Variants in TRMT44 observed in about 807,000 individuals in gnomAD.
TRMT44 encodes the protein tRNA methyltransferase 44 homolog, also known as probable tRNA (uracil-O(2)-)-methyltransferase.
In TRMT44, 78 loss-of-function variants were observed where a neutral mutation model predicts 77.3. The ratio of observed to expected loss-of-function variants is 1.01; its 90% CI spans 0.84 to 1.22. TRMT44 has a LOEUF of 1.22. TRMT44 is among the 50% of genes most tolerant of loss of function. The pLI, the probability that TRMT44 is intolerant of heterozygous loss-of-function variation, is 0.00. For missense variants in TRMT44, 1,090 were observed against 964.4 expected, an observed-to-expected ratio of 1.13 and a Z score of -1.73; for synonymous variants, 391 against 383.3, an observed-to-expected ratio of 1.02 and a Z score of -0.23.
At chr4:8,454,097 T>A (rs963432822) in intron 5 of TRMT44, among the ~76,000 whole-genome samples, 1 of 152,130 alleles carries the variant, frequency 6.6e-6, no homozygotes, top group Non-Finnish European at 1.5e-5. Flanking sequence ...GTTTGCCCTA[T>A]GAGAGCCAAT....
intron 2 of TRMT44, among the ~76,000 whole-genome samples, chr4:8,485,318 C>G (rs774080519): frequency 6.6e-6 from 1 of 152,020 alleles, no homozygotes; most frequent in Non-Finnish European, 1.5e-5. Flanking sequence ...AAAGAATGTA[C>G]GGGTTGGGCA....
chr4:8,454,415 C>A, intron 5 of TRMT44: 1 of 299,670 alleles, frequency 3.3e-6, no homozygotes, highest in Non-Finnish European at 6.3e-6. Flanking sequence ...ACAACCATTC[C>A]AAGCTCTTAG....
the TRMT44 span, among the ~76,000 whole-genome samples, chr4:8,516,515 C>T: frequency 2.0e-5 from 3 of 152,240 alleles, no homozygotes; most frequent in African/African-American, 7.2e-5. Context: ...TGCAGTGGCT[C>T]ATGCCTGTCA....
intron 2 of TRMT44, among the ~76,000 whole-genome samples, chr4:8,491,729 A>C (rs958701253): frequency 1.3e-5 from 2 of 152,098 alleles, no homozygotes; most frequent in Non-Finnish European, 2.9e-5. Flanking sequence ...ACCCACGCCC[A>C]CCCGGAACTC....
intron 10 of TRMT44, among the ~76,000 whole-genome samples, chr4:8,474,421 G>T (rs1057408523): frequency 2.6e-5 from 4 of 152,338 alleles, no homozygotes; most frequent in African/African-American, 7.2e-5. Context: ...AGAGGCAGCC[G>T]TGGGAGGGCA....
At position 8,444,104 on chromosome 4, in the gene TRMT44, C is replaced by T. The variant is rs115536990; in HGVS notation, c.620-2372C>T. On this transcript the variant is annotated intron_variant, in intron 1 of 10. Transcript: ENST00000389737. This position sits in a 1 kb window ranked among gnomAD's most constrained non-coding sequence, Gnocchi z 4.0. ...GTGGATTTGAGACAGATTACTTAAT[C>T]TGTTGAACGCCTGGTTTTCTCATCT... Among the ~76,000 whole-genome samples the T allele has an allele frequency of 9.2e-3, 1,405 of 152,278 alleles. 18 individuals are homozygous for T. The highest frequency in any genetic ancestry group is 0.032 in the African/African-American group (1,333 of 41,566).
intron 2 of TRMT44, among the ~76,000 whole-genome samples, chr4:8,481,659 A>G (rs1727617582): frequency 6.6e-6 from 1 of 152,172 alleles, no homozygotes; most frequent in Non-Finnish European, 1.5e-5. Flanking sequence ...TTTTCTCTTT[A>G]TGCTTTTTTA....
At chr4:8,472,872 G>A (rs1727113538) in intron 10 of TRMT44, among the ~76,000 whole-genome samples, 2 of 152,142 alleles carry the variant, frequency 1.3e-5, no homozygotes, top group South Asian at 2.1e-4. Context: ...CCACCTCCAC[G>A]GGGCCTCTTT....
chr4:8,489,516 A>G (rs1727927029), intron 2 of TRMT44, among the ~76,000 whole-genome samples: 1 of 152,036 alleles, frequency 6.6e-6, no homozygotes. Flanking sequence ...TCACTCTGTC[A>G]CCCAGGCTGG....
chr4:8,516,138 G>A, the TRMT44 span, among the ~76,000 whole-genome samples: 3 of 152,102 alleles, frequency 2.0e-5, no homozygotes, highest in South Asian at 4.2e-4. Flanking sequence ...AACTCAGTGC[G>A]GCGCCCTCTG....
chr4:8,487,227 A>G (rs1727838346), intron 2 of TRMT44, among the ~76,000 whole-genome samples: 2 of 152,172 alleles, frequency 1.3e-5, no homozygotes. Context: ...AAAATAAGGC[A>G]TTTAGGTTTT....
chr4:8,491,268 A>T (rs1378968297), intron 2 of TRMT44, among the ~76,000 whole-genome samples: 1 of 152,206 alleles, frequency 6.6e-6, no homozygotes, highest in African/African-American at 2.4e-5. Context: ...CAGGGTGCTG[A>T]TTGGTGTGTT....
At chr4:8,449,327 T>C (rs980398507) in intron 2 of TRMT44, among the ~76,000 whole-genome samples, 10 of 152,178 alleles carry the variant, frequency 6.6e-5, no homozygotes, top group Admixed American at 5.9e-4. Context: ...CCTGTGAAAA[T>C]GGTAAAGAAT....
chr4:8,451,959 G>T lies in TRMT44; in HGVS notation c.955-1G>T, dbSNP rs1049080313. Reference sequence around the variant, plus strand: ...TATGTTTGCTCTTGAAACTGTTTTAGGTGTGGCCTGAAGTCACTGATCCTG... The same window carrying T: ...TATGTTTGCTCTTGAAACTGTTTTATGTGTGGCCTGAAGTCACTGATCCTG... On this transcript the variant is annotated splice_acceptor_variant, in intron 3 of 10. Transcript: ENST00000389737. LOFTEE classifies it high-confidence loss of function. This position sits in a 1 kb window ranked among gnomAD's most constrained non-coding sequence, Gnocchi z 4.1. 6.5e-7 allele frequency: 1 copy of T among 1,536,654 alleles called. No homozygotes were observed. The highest frequency in any genetic ancestry group is 1.2e-5 in the South Asian group (1 of 84,042).
chr4:8,448,409 C>T (rs1378249687), intron 2 of TRMT44, among the ~76,000 whole-genome samples: 1 of 152,088 alleles, frequency 6.6e-6, no homozygotes, highest in Non-Finnish European at 1.5e-5. Flanking sequence ...GGACTGTGTC[C>T]CCTCAATAGA....
intron 8 of TRMT44, among the ~76,000 whole-genome samples, chr4:8,467,542 G>T (rs1322120223): frequency 6.6e-6 from 1 of 152,136 alleles, no homozygotes; most frequent in East Asian, 1.9e-4. Context: ...GAGTGCATTG[G>T]CACAATCTTG....
chr4:8,447,494 GAAAGCAGAGGGATGTGGCGAGAAGAGCA>G, intron 2 of TRMT44, among the ~76,000 whole-genome samples: 1 of 152,118 alleles, frequency 6.6e-6, no homozygotes, highest in African/African-American at 2.4e-5. Context: ...GGGCTTCCTA[GAAAGCAGAGGGATGTGGCGAGAAGAGCA>G]TGGGCTTCCC....
At chr4:8,459,279 C>CTGTA (rs2109130531) in intron 6 of TRMT44, among the ~76,000 whole-genome samples, 2 of 152,326 alleles carry the variant, frequency 1.3e-5, no homozygotes, top group East Asian at 3.9e-4. Flanking sequence ...CAAGGGCCAG[C>CTGTA]TGTATAGTAA....
rs1205437094 is a variant in TRMT44, at chr4:8,446,127, T to C, written c.620-349T>C. Among the ~76,000 whole-genome samples, 3 of 152,236 alleles carry C rather than the reference T, an allele frequency of 2.0e-5. No individual in the cohort carries two copies. The highest frequency in any genetic ancestry group is 4.4e-5 in the Non-Finnish European group (3 of 68,050). ...GTGCCTTGCTCACACTCGAAGATCA[T>C]GGTCAGGCTGTGGCAGACACTCAGT... On this transcript the variant is annotated intron_variant, in intron 1 of 10. Coordinates refer to ENST00000389737, the MANE Select transcript of TRMT44 (RefSeq NM_152544.3). The surrounding 1 kb of genome is among the most constrained non-coding windows in gnomAD (Gnocchi z 4.3).
Sources: allele counts gnomAD v4.1 joint callset (sites outside exome capture counted in the v4.1 genomes callset), GRCh38; gene constraint gnomAD v4.1.1; non-coding constraint Gnocchi (gnomAD v3.1); transcripts MANE v1.5; gene names NCBI Gene and HGNC (gene_info 2026-07-23, HGNC 2026-07-21).